Variants in FAS observed in about 807,000 individuals in gnomAD.
FAS encodes tumor necrosis factor receptor superfamily member 6.
In FAS, 5 loss-of-function variants were observed where a neutral mutation model predicts 33.2. The ratio of observed to expected loss-of-function variants is 0.15; its 90% CI spans 0.08 to 0.32. The LOEUF (loss-of-function observed/expected upper bound fraction) is 0.32. FAS is among the 10% of genes least tolerant of loss of function. The probability of loss-of-function intolerance (pLI) is 1.00; values close to 1 mark genes in which losing one functional copy is unlikely to be tolerated. For synonymous variants in FAS, 131 were observed against 130.7 expected, an observed-to-expected ratio of 1.00 and a Z score of -0.01; for missense variants, 339 against 386.0, an observed-to-expected ratio of 0.88 and a Z score of 1.02.
At chr10:88,989,345 AT>A (rs1847029310), upstream of FAS, 4 of 233,318 alleles carry the variant, frequency 1.7e-5, no homozygotes, top group South Asian at 4.3e-5. Context: ...TTCTTTTTAC[AT>A]TTTTTTATTT....
At chr10:88,985,517 A>T (rs1319631101), upstream of FAS, among the ~76,000 whole-genome samples, 1 of 152,008 alleles carries the variant, frequency 6.6e-6, no homozygotes, top group Non-Finnish European at 1.5e-5. Flanking sequence ...CTCCTCCAAC[A>T]TCCCATTCCA....
At position 89,001,631 on chromosome 10, in the gene FAS, T is replaced by C. The variant is rs9658725; in HGVS notation, c.31-1398T>C. On this transcript the variant is annotated intron_variant, in intron 1 of 8. Coordinates refer to ENST00000652046, the MANE Select transcript of FAS (RefSeq NM_000043.6). The stretch of plus-strand genomic sequence containing the variant: ...CATTATCTTCTGTGTCTGCTAATTC[T>C]TGCATCATTTCTTCTACTCTGTAAC... Among the ~76,000 whole-genome samples the C allele has an allele frequency of 4.4e-4, 67 of 152,234 alleles. 1 individual carries two copies. The South Asian group carries it at 0.012, about 27-fold the overall frequency.
chr10:89,005,839 A>G (rs1848196741), intron 2 of FAS, among the ~76,000 whole-genome samples: 1 of 152,036 alleles, frequency 6.6e-6, no homozygotes, highest in Admixed American at 6.6e-5. Flanking sequence ...GGGTTTCACC[A>G]TGTTGGTCAG....
intron 1 of FAS, among the ~76,000 whole-genome samples, chr10:88,965,704 G>A (rs1047836218): frequency 4.6e-5 from 7 of 152,194 alleles, no homozygotes; most frequent in Middle Eastern, 3.4e-3. Context: ...TTTCCCCTGC[G>A]TTTCTGCAAA....
At position 89,012,025 on chromosome 10, in the gene FAS, T is replaced by C. The variant is rs753487267; in HGVS notation, c.595T>C (p.Cys199Arg). 2 of 1,613,982 alleles carry C rather than the reference T, an allele frequency of 1.2e-6. No homozygotes were observed. Among genetic ancestry groups the C allele is most frequent in the Non-Finnish European group, 1.7e-6 (2 of 1,179,866 alleles). ...GAAGAGAAAGGAAGTACAGAAAACA[T>C]GCAGAAAGCACAGAAAGGAAAACCA... ...WVKRKEVQKT[C>R]RKHRKENQGS... Residue 199 changes from cysteine to arginine, a missense_variant, in exon 7 of 9, where the codon TGC becomes CGC. Cys to Arg is a radical substitution (Grantham distance 180). Around this residue, in one of 3 missense-constraint regions of FAS, gnomAD observed 276 missense variants for 300.1 expected, o/e 0.92. Coordinates refer to ENST00000652046, the MANE Select transcript of FAS (RefSeq NM_000043.6).
intron 1 of FAS, among the ~76,000 whole-genome samples, chr10:88,972,941 TTGTGTA>T (rs1254686418): frequency 1.3e-5 from 2 of 152,294 alleles, no homozygotes; most frequent in African/African-American, 2.4e-5. Flanking sequence ...AAGATTGTGT[TTGTGTA>T]TGTGTATGTG....
At chr10:88,975,537 T>C (rs1177101122) in intron 2 of FAS, among the ~76,000 whole-genome samples, 3 of 152,080 alleles carry the variant, frequency 2.0e-5, no homozygotes, top group Non-Finnish European at 4.4e-5. Flanking sequence ...GGAAGGGGCA[T>C]GGAGAGCAAA....
intron 7 of FAS, chr10:89,012,393 G>A (rs3740281): frequency 0.12 from 38,430 of 310,070 alleles, 2,886 homozygotes; most frequent in Non-Finnish European, 0.16. Context: ...GCCCAGGCTG[G>A]TCTCAAACTT....
rs914023711 is a variant in FAS at position 89,007,641 on chromosome 10, C to T, written c.197-59C>T. The T allele has an allele frequency of 2.4e-5, 38 of 1,553,502 alleles. No homozygotes were observed. In the African/African-American group the frequency reaches 2.9e-4, roughly 12 times the overall value. On this transcript the variant is annotated intron_variant, in intron 2 of 8. Transcript: ENST00000652046. ...TATTGTCTGTCATCCCTCTATAGTT[C>T]CCACCCTGTTACCTGCCCGTGTCCT...
upstream of FAS, chr10:88,989,678 T>C (rs746492348): frequency 4.5e-6 from 2 of 443,946 alleles, no homozygotes; most frequent in Non-Finnish European, 8.9e-6. Flanking sequence ...CAGAAGAAAA[T>C]GTCAACTGAG....
In FAS at chr10:89,015,792, G is replaced by T; in HGVS notation, c.*1342G>T. ...TTAAATAATGTTTTTGGTATTTCTG[G>T]TTTTCTCTTTTTTGGTAGGGGCTTG... is the stretch of plus-strand genomic sequence containing the variant. On this transcript the variant is annotated 3_prime_UTR_variant, in exon 9 of 9. Transcript: ENST00000652046. The T allele has an allele frequency of 6.5e-6, 3 of 462,148 alleles. No homozygotes were observed. Among genetic ancestry groups the T allele is most frequent in the Non-Finnish European group, 1.2e-5 (3 of 241,804 alleles). 28.6% of individuals were successfully genotyped at this position (462,148 alleles called of 1,614,324 possible).
chr10:89,012,196 G>C, intron 7 of FAS, 115 bp downstream of exon 7: 1 of 917,790 alleles, frequency 1.1e-6, no homozygotes, highest in East Asian at 2.7e-5. Flanking sequence ...CATTTTGTTT[G>C]AGATGGAGTC....
At chr10:88,985,654 C>T (rs2133361959), upstream of FAS, among the ~76,000 whole-genome samples, 1 of 152,322 alleles carries the variant, frequency 6.6e-6, no homozygotes, top group African/African-American at 2.4e-5. Context: ...TCCCCCACCC[C>T]CATCCCACTC....
At position 89,010,576 on chromosome 10, in the gene FAS, A is replaced by G. The variant is rs758267775; in HGVS notation, c.481A>G (p.Ser161Gly). 6.2e-7 allele frequency: 1 copy of G among 1,613,988 alleles called. No individual in the cohort carries two copies. The highest frequency in any genetic ancestry group is 8.5e-7 in the Non-Finnish European group (1 of 1,179,932). The change falls in exon 5 of 9, where the codon AGC (serine) becomes GGC (glycine). Residue 161 changes from serine to glycine, a missense_variant. By Grantham distance (56) the Ser-to-Gly change is moderately conservative. Coordinates refer to ENST00000652046, the MANE Select transcript of FAS (RefSeq NM_000043.6). The part of the protein sequence containing the change: ...HGIIKECTLT[S>G]NTKCKEEGSR... ...AATCATCAAGGAATGCACACTCACC[A>G]GCAACACCAAGTGCAAAGAGGAAGG...
intron 2 of FAS, among the ~76,000 whole-genome samples, chr10:88,978,402 AAAAT>A (rs369548963): frequency 0.011 from 1,742 of 152,200 alleles, 22 homozygotes; most frequent in African/African-American, 0.035. Flanking sequence ...AGTATAATAA[AAAAT>A]AAATAAATAA....
Position 89,016,801 on chromosome 10 carries a change from G to A in FAS, c.*2351G>A, listed in dbSNP as rs537281184. ...AAGGAGCTCACAGATCACATTGAAA[G>A]CATTGCATATTCAAACATCTTGGTC... On this transcript the variant is annotated 3_prime_UTR_variant, in exon 9 of 9. Transcript: ENST00000652046. 9.2e-6 allele frequency: 2 copies of A among 218,272 alleles called. No individual in the cohort carries two copies. The highest frequency in any genetic ancestry group is 9.2e-6 in the Non-Finnish European group (1 of 108,554). 13.5% of individuals were successfully genotyped at this position (218,272 alleles called of 1,614,324 possible).
chr10:88,980,866 A>G (rs900244934), intron 2 of FAS, among the ~76,000 whole-genome samples: 1 of 152,134 alleles, frequency 6.6e-6, no homozygotes, highest in African/African-American at 2.4e-5. Context: ...ATTTTCCCAG[A>G]CTCCAAATGC....
upstream of FAS, chr10:88,990,699 G>A (rs1160563675): frequency 1.4e-6 from 1 of 735,534 alleles, no homozygotes; most frequent in African/African-American, 1.7e-5. The surrounding 1 kb of genome is among the most constrained non-coding windows in gnomAD (Gnocchi z 4.9). Context: ...TCTGGGGAGT[G>A]AGGGAAGCGG....
chr10:89,007,772 A>C lies in FAS; in HGVS notation c.269A>C (p.Glu90Ala). The C allele has an allele frequency of 6.2e-7, 1 of 1,614,118 alleles. No homozygotes were observed. Among genetic ancestry groups the C allele is most frequent in the African/African-American group, 1.3e-5 (1 of 75,034 alleles). Reference protein sequence around the residue: ...PDCVPCQEGKEYTDKAHFSSK... With the variant: ...PDCVPCQEGKAYTDKAHFSSK... ...TGCGTGCCCTGCCAAGAAGGGAAGG[A>C]GTACACAGACAAAGCCCATTTTTCT... The change falls in exon 3 of 9, where the codon GAG becomes GCG. Residue 90 changes from glutamate to alanine, a missense_variant. Glu to Ala is a moderately radical substitution (Grantham distance 107). Coordinates refer to ENST00000652046, the MANE Select transcript of FAS (RefSeq NM_000043.6).
Sources: allele counts gnomAD v4.1 joint callset (sites outside exome capture counted in the v4.1 genomes callset), GRCh38; gene constraint gnomAD v4.1.1; regional missense constraint gnomAD v4.1.1; non-coding constraint Gnocchi (gnomAD v3.1); transcripts MANE v1.5; gene names NCBI Gene and HGNC (gene_info 2026-07-23, HGNC 2026-07-21).